Variants in CUBN observed in about 807,000 individuals in gnomAD.
The protein encoded by CUBN is 460 kDa receptor.
Under a neutral mutation model 405.3 loss-of-function variants are expected in CUBN, and 282 were observed. The ratio of observed to expected loss-of-function variants is 0.70; its 90% CI spans 0.63 to 0.77. The LOEUF (loss-of-function observed/expected upper bound fraction) is 0.77, where lower values mean the gene tolerates loss of function less well. Ranked by LOEUF, CUBN falls within the 30% of genes least tolerant of loss-of-function variation. The pLI is 0.00. For synonymous variants in CUBN, 1,684 were observed against 1,617.0 expected (o/e 1.04, Z -0.99); for missense variants, 4,514 against 4,475.2 (o/e 1.01, Z -0.25).
At chr10:16,948,397 A>G (rs1304081150) in intron 35 of CUBN, 81 bp downstream of exon 35, 11 of 1,594,856 alleles carry the variant, frequency 6.9e-6, no homozygotes, top group African/African-American at 1.3e-5. Context: ...CCAACTACGA[A>G]GGTCAGAGTC....
chr10:16,865,035 A>ACTGCAACCT (rs200714183), intron 59 of CUBN, among the ~76,000 whole-genome samples: 1,992 of 121,702 alleles, frequency 0.016, 55 homozygotes, highest in African/African-American at 0.062. Flanking sequence ...ATCTTGGGTC[A>ACTGCAACCT]CTGGGTCACT....
chr10:17,115,475 C>T lies in CUBN; in HGVS notation c.716G>A (p.Gly239Glu), dbSNP rs1425399049. 1 of 1,613,956 alleles carries T rather than the reference C, an allele frequency of 6.2e-7. No individual in the cohort carries two copies. Among genetic ancestry groups the T allele is most frequent in the East Asian group, 2.2e-5 (1 of 44,862 alleles). ...ACATTTGGGGAAGGGACCCACCTCTCCAGCTTGCTCTCGCATTAAATCCTC... is the reference window on the plus strand; with the variant it reads ...ACATTTGGGGAAGGGACCCACCTCTTCAGCTTGCTCTCGCATTAAATCCTC... Reference protein sequence around the residue: ...ICEDLMREQAGEPKYSCVCDA... With the variant: ...ICEDLMREQAEEPKYSCVCDA... Residue 239 changes from glycine (G) to glutamate (E), a missense_variant, in exon 7 of 67, where the codon GGA becomes GAA. This residue lies in a region of CUBN where 1,448 missense variants were observed against 1,388.0 expected (regional missense o/e 1.04). Transcript: ENST00000377833.
At position 17,068,261 on chromosome 10, in the gene CUBN, T is replaced by C; in HGVS notation, c.2811A>G (p.Thr937=). The C allele has an allele frequency of 1.2e-6, 2 of 1,613,678 alleles. No individual in the cohort carries two copies. The highest frequency in any genetic ancestry group is 1.7e-5 in the Admixed American group (1 of 59,982). ...AEDLACGEIL[T]ESTGTIQSPG... is the part of the protein sequence containing the mutation. ...GACTTTGAATGGTCCCTGTTGATTC[T>C]GTAAGAATTTCTCCACATGCTGTTG... Residue 937 remains threonine (T), a synonymous_variant, in exon 21 of 67, where the codon ACA becomes ACG. Coordinates refer to ENST00000377833, the MANE Select transcript of CUBN (RefSeq NM_001081.4).
At chr10:17,080,891 C>G (rs556936661) in intron 17 of CUBN, among the ~76,000 whole-genome samples, 1 of 152,216 alleles carries the variant, frequency 6.6e-6, no homozygotes, top group African/African-American at 2.4e-5. Flanking sequence ...AAGCTCTCTT[C>G]GACAAAAACA....
At chr10:16,830,913 G>A (rs762209063) in intron 65 of CUBN, among the ~76,000 whole-genome samples, 3 of 151,956 alleles carry the variant, frequency 2.0e-5, no homozygotes, top group Non-Finnish European at 2.9e-5. Flanking sequence ...ATGGGGAAAC[G>A]CTCTGTCTAC....
chr10:16,834,499 CCT>C (rs961480031), intron 64 of CUBN, among the ~76,000 whole-genome samples: 3 of 152,108 alleles, frequency 2.0e-5, no homozygotes, highest in Non-Finnish European at 4.4e-5. Context: ...ACCACACCCC[CCT>C]GAGACCAGGG....
intron 28 of CUBN, among the ~76,000 whole-genome samples, chr10:16,990,769 T>C (rs1833561426): frequency 6.6e-6 from 1 of 152,236 alleles, no homozygotes; most frequent in Non-Finnish European, 1.5e-5. Context: ...CGATCCTTTT[T>C]CTTACCATAT....
rs759034897 is a variant in CUBN, at chr10:16,937,701, A to C, written c.5817T>G (p.Asn1939Lys). 1 of 1,614,158 alleles carries C rather than the reference A, an allele frequency of 6.2e-7. No individual in the cohort carries two copies. Among genetic ancestry groups the C allele is most frequent in the East Asian group, 2.2e-5 (1 of 44,870 alleles). ...TQTESFSSTG[N>K]SLTFHFYSDS... ...CGGAGTAAAAATGAAATGTCAAAGA[A>C]TTTCCAGTGGAGCTGAAAGATTCAG... Residue 1939 changes from asparagine (N) to lysine (K), a missense_variant, in exon 39 of 67, where the codon AAT becomes AAG. Coordinates refer to ENST00000377833, the MANE Select transcript of CUBN (RefSeq NM_001081.4).
At chr10:16,840,276 A>C in intron 62 of CUBN, 54 bp downstream of exon 62, 1 of 1,461,532 alleles carries the variant, frequency 6.8e-7, no homozygotes, top group African/African-American at 1.4e-5. Context: ...GTGTTTTGCA[A>C]ATACTGGTGA....
rs2131869671 is a variant in CUBN, at chr10:17,088,355, G to C, written c.1766-10C>G. ...AGGATACCTCCACACTCTAAAATAAGAGGGAAAAATAATGTTACATTTGTA... is the reference window on the plus strand; with the variant it reads ...AGGATACCTCCACACTCTAAAATAACAGGGAAAAATAATGTTACATTTGTA... On this transcript the variant is annotated splice_polypyrimidine_tract_variant and intron_variant, in intron 14 of 66. Transcript: ENST00000377833. 1 of 1,602,370 alleles carries C rather than the reference G, an allele frequency of 6.2e-7. No individual in the cohort carries two copies. Among genetic ancestry groups the C allele is most frequent in the Non-Finnish European group, 8.6e-7 (1 of 1,169,524 alleles).
chr10:16,923,613 A>G (rs1210985006), intron 43 of CUBN, among the ~76,000 whole-genome samples: 1 of 152,226 alleles, frequency 6.6e-6, no homozygotes, highest in Non-Finnish European at 1.5e-5. Context: ...CAGCAGTCAT[A>G]ATAAGCTTCA....
intron 28 of CUBN, among the ~76,000 whole-genome samples, chr10:17,014,851 C>T (rs35617631): frequency 0.37 from 55,669 of 151,992 alleles, 10,444 homozygotes; most frequent in East Asian, 0.59. Flanking sequence ...TAAGTTGGGA[C>T]GTGTGGTCTG....
chr10:16,947,127 A>T (rs1842807331), intron 36 of CUBN, 108 bp downstream of exon 36: 3 of 1,204,650 alleles, frequency 2.5e-6, no homozygotes, highest in African/African-American at 3.0e-5. Context: ...TTGGAAAAAT[A>T]CTTCCTAAAT....
chr10:16,977,232 C>T (rs1025442530), intron 31 of CUBN, among the ~76,000 whole-genome samples: 3 of 152,124 alleles, frequency 2.0e-5, no homozygotes, highest in Non-Finnish European at 4.4e-5. Context: ...AAACCCATGG[C>T]CCTAAATGGG....
chr10:17,017,056 C>A (rs545973647), intron 28 of CUBN, among the ~76,000 whole-genome samples: 2 of 152,064 alleles, frequency 1.3e-5, no homozygotes, highest in African/African-American at 4.8e-5. Flanking sequence ...TCAGGGTTTG[C>A]GGGTCAAATT....
At chr10:17,124,499 G>C (rs1837123805) in intron 4 of CUBN, among the ~76,000 whole-genome samples, 1 of 150,902 alleles carries the variant, frequency 6.6e-6, no homozygotes, top group Admixed American at 6.6e-5. Flanking sequence ...CGCGATCTCC[G>C]CTCACTGCAG....
rs770885580 is a variant in CUBN at position 16,907,670 on chromosome 10, C to T, written c.7543G>A (p.Gly2515Ser). ...AGCTGGGGTGAGTTACTTCTAATGC[C>T]ATTGAATACCTGTTGGAAAAAGAGT... is the stretch of plus-strand genomic sequence containing the variant. ...CNNEHVIVFN[G>S]IRSNSPQLEK... The change falls in exon 49 of 67, where the codon GGC becomes AGC. Residue 2515 changes from glycine to serine, a missense_variant. Physicochemically the swap from Gly to Ser is moderately conservative, Grantham distance 56 (BLOSUM62 0). Transcript: ENST00000377833. The T allele has an allele frequency of 3.7e-5, 60 of 1,611,914 alleles. No homozygotes were observed. Among genetic ancestry groups the T allele is most frequent in the Non-Finnish European group, 4.9e-5 (58 of 1,179,858 alleles).
intron 39 of CUBN, among the ~76,000 whole-genome samples, chr10:16,935,450 G>A (rs1033375746): frequency 1.3e-5 from 2 of 152,108 alleles, no homozygotes. Context: ...CACTGTGCCT[G>A]GTTCCCATTA....
chr10:16,875,419 T>A (rs954326062), intron 57 of CUBN, among the ~76,000 whole-genome samples: 8 of 152,134 alleles, frequency 5.3e-5, no homozygotes, highest in Admixed American at 1.3e-4. Context: ...ATTTCCATGG[T>A]TTATACACTA....
Sources: gnomAD v4.1 joint callset for allele counts (sites outside exome capture counted in the v4.1 genomes callset) on GRCh38, gnomAD v4.1.1 for gene constraint, gnomAD v4.1.1 regional missense constraint, MANE v1.5 for transcripts, NCBI Gene and HGNC (gene_info 2026-07-23, HGNC 2026-07-21) for gene names.